COBLL1: variants seen among roughly 807,000 people sequenced by gnomAD.
The protein encoded by COBLL1 is cordon-bleu WH2 repeat protein like 1.
COBLL1 carries 50 observed loss-of-function variants against 94.8 expected under a neutral mutation model. That is an observed-to-expected ratio of 0.53 (90% CI 0.42 to 0.67). The LOEUF (loss-of-function observed/expected upper bound fraction) is 0.67. COBLL1 is among the 30% of genes least tolerant of loss of function. COBLL1 has a pLI of 0.00. For missense variants in COBLL1, 1,362 were observed against 1,348.7 expected, an observed-to-expected ratio of 1.01 and a Z score of -0.15; for synonymous variants, 448 against 473.8, an observed-to-expected ratio of 0.95 and a Z score of 0.71.
chr2:164,696,064 T>C (rs1553469185), intron 11 of COBLL1: 1 of 437,506 alleles, frequency 2.3e-6, no homozygotes, highest in Non-Finnish European at 4.0e-6. Flanking sequence ...GGCCACAACA[T>C]GTTAATTAAC....
At chr2:164,803,550 G>A in intron 2 of COBLL1, among the ~76,000 whole-genome samples, 1 of 142,840 alleles carries the variant, frequency 7.0e-6, no homozygotes. Context: ...GGGTGACAGA[G>A]CGAGACTCTG....
chr2:164,711,091 C>T (rs1478388916), intron 7 of COBLL1, among the ~76,000 whole-genome samples: 2 of 152,026 alleles, frequency 1.3e-5, no homozygotes, highest in African/African-American at 4.8e-5. Flanking sequence ...AGCGGTTGAA[C>T]CAGGAAACAT....
At chr2:164,787,429 A>G (rs1682916983) in intron 2 of COBLL1, among the ~76,000 whole-genome samples, 1 of 152,222 alleles carries the variant, frequency 6.6e-6, no homozygotes. Context: ...ACAGACACAG[A>G]AAATGGTAAC....
At chr2:164,734,030 C>T (rs902525491) in intron 3 of COBLL1, among the ~76,000 whole-genome samples, 4 of 152,152 alleles carry the variant, frequency 2.6e-5, no homozygotes, top group Admixed American at 2.0e-4. Context: ...TGCAAATTGT[C>T]AAGCCCCAGC....
chr2:164,722,031 A>T, intron 7 of COBLL1, 44 bp downstream of exon 7: 1 of 1,418,256 alleles, frequency 7.1e-7, no homozygotes, highest in Non-Finnish European at 9.6e-7. Flanking sequence ...TAAATGGTAC[A>T]CTGCCTCATC....
chr2:164,762,695 C>CCTT (rs1189675203), intron 2 of COBLL1, among the ~76,000 whole-genome samples: 1 of 139,382 alleles, frequency 7.2e-6, no homozygotes, highest in African/African-American at 2.8e-5. Context: ...AGCCTATCAT[C>CCTT]CTTTTTTTTT....
chr2:164,715,579 G>A (rs1466060941), intron 7 of COBLL1, among the ~76,000 whole-genome samples: 3 of 151,876 alleles, frequency 2.0e-5, no homozygotes, highest in African/African-American at 7.3e-5. Flanking sequence ...CATTTCATAA[G>A]TATATGACAA....
rs1686722708 is a variant in COBLL1 at position 164,743,840 on chromosome 2, G to A, written c.77C>T (p.Ala26Val). Reference protein sequence around the residue: ...KPKAKAPLPPAETKYTDVSSA... With the variant: ...KPKAKAPLPPVETKYTDVSSA... ...AGAGACATCAGTATATTTGGTCTCA[G>A]CTGGAGGAAGTGGTGCCTTGGCTTT... Residue 26 changes from alanine to valine, a missense_variant, in exon 3 of 14, where the codon GCT becomes GTT. By Grantham distance (64) the Ala-to-Val change is moderately conservative. Coordinates refer to ENST00000652658, the MANE Select transcript of COBLL1 (RefSeq NM_001365672.2). 1.3e-6 allele frequency: 2 copies of A among 1,584,440 alleles called. No homozygotes were observed. Among genetic ancestry groups the A allele is most frequent in the Non-Finnish European group, 1.7e-6 (2 of 1,161,538 alleles).
chr2:164,790,678 C>A (rs1322717939), intron 2 of COBLL1, among the ~76,000 whole-genome samples: 1 of 152,108 alleles, frequency 6.6e-6, no homozygotes, highest in Non-Finnish European at 1.5e-5. Context: ...CAACAAAGAG[C>A]CTCCCTATGG....
chr2:164,735,096 G>T (rs1212984056), intron 3 of COBLL1, among the ~76,000 whole-genome samples: 2 of 152,192 alleles, frequency 1.3e-5, no homozygotes, highest in African/African-American at 4.8e-5. Flanking sequence ...ACTGGGTTCT[G>T]TGTGTACATA....
intron 2 of COBLL1, among the ~76,000 whole-genome samples, chr2:164,786,218 T>C (rs896088930): frequency 6.6e-6 from 1 of 152,206 alleles, no homozygotes; most frequent in African/African-American, 2.4e-5. Flanking sequence ...ACTGCTCATA[T>C]TCCACACAGT....
chr2:164,818,141 TATGTAC>T (rs946591376), intron 2 of COBLL1, among the ~76,000 whole-genome samples: 1 of 151,440 alleles, frequency 6.6e-6, no homozygotes, highest in African/African-American at 2.4e-5. Context: ...TGTACATGTA[TATGTAC>T]ATGTATACGT....
At chr2:164,789,557 T>A (rs1043166282) in intron 2 of COBLL1, among the ~76,000 whole-genome samples, 3 of 152,136 alleles carry the variant, frequency 2.0e-5, no homozygotes, top group South Asian at 2.1e-4. Flanking sequence ...GAAGTTTAAG[T>A]TGTTTGGCAT....
chr2:164,746,513 T>TAC (rs1293890256), intron 2 of COBLL1, among the ~76,000 whole-genome samples: 2 of 152,086 alleles, frequency 1.3e-5, no homozygotes, highest in African/African-American at 4.8e-5. Context: ...ACGATGGGAT[T>TAC]ACAACCTGAT....
At chr2:164,802,570 T>C (rs929685374) in intron 2 of COBLL1, among the ~76,000 whole-genome samples, 1 of 152,154 alleles carries the variant, frequency 6.6e-6, no homozygotes. Flanking sequence ...ATTGCCTCAC[T>C]CAGTAGACAG....
intron 2 of COBLL1, among the ~76,000 whole-genome samples, chr2:164,659,456 C>T (rs972294296): frequency 9.2e-5 from 14 of 152,208 alleles, no homozygotes; most frequent in African/African-American, 3.4e-4. Flanking sequence ...AAGAGTTGCA[C>T]AAGTGTGCAG....
At chr2:164,721,919 C>A in intron 7 of COBLL1, 156 bp downstream of exon 7, 2 of 504,764 alleles carry the variant, frequency 4.0e-6, no homozygotes, top group Non-Finnish European at 7.0e-6. Flanking sequence ...TTAGAATGAG[C>A]TATTCATCTT....
chr2:164,668,794 T>C (rs569566561), intron 1 of COBLL1, among the ~76,000 whole-genome samples: 1 of 152,350 alleles, frequency 6.6e-6, no homozygotes, highest in African/African-American at 2.4e-5. Context: ...TATCTACTTG[T>C]CTATTGTTGA....
intron 2 of COBLL1, among the ~76,000 whole-genome samples, chr2:164,661,673 A>G (rs568381968): frequency 6.6e-6 from 1 of 152,254 alleles, no homozygotes; most frequent in East Asian, 1.9e-4. Context: ...TGAGAATCAC[A>G]CTTCAATGTG....
Sources: allele counts gnomAD v4.1 joint callset (sites outside exome capture counted in the v4.1 genomes callset), GRCh38; gene constraint gnomAD v4.1.1; transcripts MANE v1.5; gene names NCBI Gene and HGNC (gene_info 2026-07-23, HGNC 2026-07-21).